Variants in MYRIP observed in about 807,000 individuals in gnomAD.
MYRIP encodes the protein myosin VIIA and Rab interacting protein.
Under a neutral mutation model 98.0 loss-of-function variants are expected in MYRIP, and 49 were observed. The observed-to-expected ratio is 0.50, with a 90% CI of 0.40 to 0.63. The LOEUF (loss-of-function observed/expected upper bound fraction) is 0.63. Ranked by LOEUF, MYRIP falls within the 30% of genes least tolerant of loss-of-function variation. The pLI is 0.00. For missense variants in MYRIP, 1,004 were observed against 1,058.2 expected (o/e 0.95, Z 0.71); for synonymous variants, 404 against 409.5 (o/e 0.99, Z 0.16).
intron 2 of MYRIP, among the ~76,000 whole-genome samples, chr3:39,914,417 A>C (rs186896536): frequency 4.4e-4 from 67 of 152,284 alleles, no homozygotes; most frequent in Admixed American, 9.2e-4. Context: ...CCATATTATT[A>C]CCAAAATGTC....
intron 4 of MYRIP, among the ~76,000 whole-genome samples, chr3:40,154,901 A>G (rs1409974990): frequency 6.6e-6 from 1 of 152,218 alleles, no homozygotes; most frequent in Non-Finnish European, 1.5e-5. Context: ...TAAATAATAT[A>G]TGCTTTATTT....
chr3:40,159,078 T>G (rs1258377583), intron 4 of MYRIP, among the ~76,000 whole-genome samples: 1 of 152,212 alleles, frequency 6.6e-6, no homozygotes, highest in African/African-American at 2.4e-5. Flanking sequence ...TGATGCAGTT[T>G]CTTCCTAGTC....
chr3:40,011,260 C>A (rs539122991), intron 2 of MYRIP, among the ~76,000 whole-genome samples: 1 of 152,194 alleles, frequency 6.6e-6, no homozygotes, highest in South Asian at 2.1e-4. Flanking sequence ...ATGGCCACAC[C>A]TAGCTGCAAG....
intron 3 of MYRIP, chr3:40,100,303 A>G (rs1318902673): frequency 1.0e-6 from 1 of 973,776 alleles, no homozygotes; most frequent in Admixed American, 6.2e-5. Flanking sequence ...ACAATTTGCT[A>G]TTATTGATTA....
chr3:39,976,777 T>G (rs1945763533), intron 2 of MYRIP, among the ~76,000 whole-genome samples: 2 of 152,194 alleles, frequency 1.3e-5, no homozygotes, highest in African/African-American at 4.8e-5. Context: ...ACCATCATTC[T>G]TAGCAAACTA....
At chr3:39,906,390 C>T (rs1943879307) in intron 2 of MYRIP, among the ~76,000 whole-genome samples, 2 of 152,130 alleles carry the variant, frequency 1.3e-5, no homozygotes, top group South Asian at 4.1e-4. Context: ...TTTTCATGAA[C>T]TTTCAGGTTT....
Position 39,961,306 on chromosome 3 carries a change from C to G in MYRIP, c.110+60380C>G, listed in dbSNP as rs184618294. On this transcript the variant is annotated intron_variant, in intron 2 of 16. Coordinates refer to ENST00000302541, the MANE Select transcript of MYRIP (RefSeq NM_015460.4). ...CCCAGAGAGCAAAGAGATCCACACG[C>G]ATTTCCCTGATAATTATTTTATTCA... Among the ~76,000 whole-genome samples the G allele has an allele frequency of 2.4e-3, 361 of 152,212 alleles. 1 individual carries two copies. Among genetic ancestry groups the G allele is most frequent in the African/African-American group, 8.5e-3 (354 of 41,544 alleles).
intron 2 of MYRIP, among the ~76,000 whole-genome samples, chr3:39,955,108 A>G (rs1945122096): frequency 6.6e-6 from 1 of 152,204 alleles, no homozygotes; most frequent in South Asian, 2.1e-4. Flanking sequence ...TCTGCAGGAT[A>G]TTATACAGGA....
intron 1 of MYRIP, among the ~76,000 whole-genome samples, chr3:39,895,829 G>A (rs575049805): frequency 6.6e-6 from 1 of 152,308 alleles, no homozygotes; most frequent in Admixed American, 6.5e-5. Flanking sequence ...TTTAAAGTAT[G>A]TTCCTGACCT....
intron 2 of MYRIP, among the ~76,000 whole-genome samples, chr3:40,021,397 A>G (rs543745952): frequency 3.3e-5 from 5 of 152,312 alleles, no homozygotes; most frequent in Admixed American, 3.3e-4. Context: ...TGGATTAATC[A>G]AATATTAATA....
At chr3:39,859,406 G>T (rs993439173) in intron 1 of MYRIP, among the ~76,000 whole-genome samples, 10 of 152,104 alleles carry the variant, frequency 6.6e-5, no homozygotes, top group Non-Finnish European at 1.2e-4. Context: ...ACAAAGAAAA[G>T]CCCCAGACTA....
intron 3 of MYRIP, among the ~76,000 whole-genome samples, chr3:40,130,227 G>C (rs1429180650): frequency 6.6e-6 from 1 of 152,076 alleles, no homozygotes; most frequent in Non-Finnish European, 1.5e-5. Flanking sequence ...TTTGCTTCTA[G>C]TTCAGTCAGT....
chr3:40,158,863 A>C (rs1950308911), intron 4 of MYRIP, among the ~76,000 whole-genome samples: 1 of 150,060 alleles, frequency 6.7e-6, no homozygotes, highest in Non-Finnish European at 1.5e-5. Context: ...ATCTTCCTCC[A>C]TCCTTTTATT....
At chr3:40,056,820 G>A (rs1412358897) in intron 3 of MYRIP, among the ~76,000 whole-genome samples, 5 of 152,130 alleles carry the variant, frequency 3.3e-5, no homozygotes, top group Admixed American at 2.6e-4. Flanking sequence ...GTACCTTCCC[G>A]AAGTTGTCAG....
At chr3:40,113,517 A>G (rs548315676) in intron 3 of MYRIP, among the ~76,000 whole-genome samples, 3 of 152,210 alleles carry the variant, frequency 2.0e-5, no homozygotes, top group Non-Finnish European at 4.4e-5. Flanking sequence ...TCAGAGCCAT[A>G]TGGGATAGTT....
chr3:39,835,305 A>C (rs1408329614), intron 1 of MYRIP, among the ~76,000 whole-genome samples: 1 of 152,156 alleles, frequency 6.6e-6, no homozygotes. Context: ...CTTAAGGACT[A>C]AAATCTTTGT....
intron 3 of MYRIP, among the ~76,000 whole-genome samples, chr3:40,139,723 G>C (rs958267485): frequency 1.1e-4 from 16 of 152,076 alleles, no homozygotes; most frequent in African/African-American, 2.9e-4. Flanking sequence ...GGGACTACAG[G>C]CACATGCTAC....
At chr3:39,937,505 G>C (rs999428109) in intron 2 of MYRIP, among the ~76,000 whole-genome samples, 26 of 152,134 alleles carry the variant, frequency 1.7e-4, no homozygotes, top group African/African-American at 6.0e-4. Context: ...TGGCCACCTG[G>C]TCCTTGTATA....
At chr3:39,833,441 T>C (rs116759432) in intron 1 of MYRIP, among the ~76,000 whole-genome samples, 50 of 152,198 alleles carry the variant, frequency 3.3e-4, no homozygotes, top group Non-Finnish European at 6.2e-4. Flanking sequence ...TTTTGTAGAA[T>C]TGAGACTCCA....
Sources: gnomAD v4.1 joint callset for allele counts (sites outside exome capture counted in the v4.1 genomes callset) on GRCh38, gnomAD v4.1.1 for gene constraint, MANE v1.5 for transcripts, NCBI Gene and HGNC (gene_info 2026-07-23, HGNC 2026-07-21) for gene names.